The following ACTR3C variants were observed in gnomAD, a reference collection of about 807,000 sequenced individuals.
ACTR3C encodes actin-related protein 3C.
In ACTR3C, 18 loss-of-function variants were observed where a neutral mutation model predicts 26.3. The ratio of observed to expected loss-of-function variants is 0.68; its 90% CI spans 0.47 to 1.01. The LOEUF is 1.01. Among genes scored for constraint, ACTR3C ranks in the 50% least tolerant of loss-of-function variants. The pLI, the probability that ACTR3C is intolerant of heterozygous loss-of-function variation, is 0.00. For synonymous variants in ACTR3C, 55 were observed against 94.5 expected, an observed-to-expected ratio of 0.58 and a Z score of 2.42; for missense variants, 184 against 250.7, an observed-to-expected ratio of 0.73 and a Z score of 1.80.
the ACTR3C span, among the ~76,000 whole-genome samples, chr7:150,162,063 A>G: frequency 3.4e-4 from 52 of 152,368 alleles, no homozygotes; most frequent in African/African-American, 1.1e-3. Flanking sequence ...TAAAATTTGA[A>G]ACATTAATTT....
chr7:150,185,276 C>CGT, the ACTR3C span, among the ~76,000 whole-genome samples: 42,800 of 140,454 alleles, frequency 0.3, 3,760 homozygotes, highest in South Asian at 0.41. Flanking sequence ...AAATGTCAGG[C>CGT]GTGTGTGTGT....
the ACTR3C span, among the ~76,000 whole-genome samples, chr7:150,040,274 C>T: frequency 2.0e-5 from 3 of 147,702 alleles, no homozygotes; most frequent in African/African-American, 7.6e-5. Flanking sequence ...GGCTACCGGC[C>T]TCAGCCAGGG....
chr7:150,227,256 A>C, the ACTR3C span, among the ~76,000 whole-genome samples: 1 of 151,438 alleles, frequency 6.6e-6, no homozygotes, highest in Non-Finnish European at 1.5e-5. Context: ...TCTAAGGGAG[A>C]CTTGGTACCC....
At chr7:149,893,024 T>A in the ACTR3C span, among the ~76,000 whole-genome samples, 1 of 152,200 alleles carries the variant, frequency 6.6e-6, no homozygotes, top group Non-Finnish European at 1.5e-5. Flanking sequence ...ATCTTAACCT[T>A]AAATATTTGG....
At chr7:150,205,579 TA>T in the ACTR3C span, among the ~76,000 whole-genome samples, 26,688 of 151,764 alleles carry the variant, frequency 0.18, 3,836 homozygotes, top group African/African-American at 0.39. Flanking sequence ...CACACTTTTC[TA>T]AAAAAAGCAA....
chr7:150,264,028 G>A (rs1474912615), intron 6 of ACTR3C, among the ~76,000 whole-genome samples: 2 of 152,184 alleles, frequency 1.3e-5, no homozygotes, highest in African/African-American at 2.4e-5. Context: ...TCCCTCAGGC[G>A]TCCCTGTACT....
At chr7:150,282,069 A>G (rs1157680996) in intron 6 of ACTR3C, among the ~76,000 whole-genome samples, 1 of 143,590 alleles carries the variant, frequency 7.0e-6, no homozygotes, top group East Asian at 2.0e-4. Flanking sequence ...ATCAAGACCC[A>G]TACTTTGGAA....
chr7:149,996,186 G>T, the ACTR3C span, among the ~76,000 whole-genome samples: 6 of 152,284 alleles, frequency 3.9e-5, no homozygotes, highest in Non-Finnish European at 7.3e-5. Flanking sequence ...GGCCAGAGCA[G>T]ATGGTCTTGC....
the ACTR3C span, chr7:150,073,653 G>T: frequency 3.4e-5 from 5 of 148,420 alleles, no homozygotes; most frequent in South Asian, 1.1e-3. Context: ...AAGCAGTGGA[G>T]ACTGGAGTCC....
At chr7:150,121,951 C>G in the ACTR3C span, among the ~76,000 whole-genome samples, 1 of 152,008 alleles carries the variant, frequency 6.6e-6, no homozygotes, top group African/African-American at 2.4e-5. Context: ...TGATCTTTGA[C>G]AAACCTAACA....
intron 1 of ACTR3C, among the ~76,000 whole-genome samples, chr7:150,300,409 C>T (rs1440908587): frequency 6.6e-6 from 1 of 152,082 alleles, no homozygotes; most frequent in Non-Finnish European, 1.5e-5. Context: ...AACCCATATG[C>T]CTACACACAA....
chr7:150,086,596 G>C, the ACTR3C span, among the ~76,000 whole-genome samples: 2 of 152,136 alleles, frequency 1.3e-5, no homozygotes, highest in African/African-American at 4.8e-5. Flanking sequence ...ATTAGGTAGT[G>C]GTTCTAGAAC....
the ACTR3C span, among the ~76,000 whole-genome samples, chr7:149,925,419 A>C: frequency 2.6e-5 from 4 of 152,324 alleles, no homozygotes; most frequent in African/African-American, 9.6e-5. Context: ...AGCCCTAAAA[A>C]GGAATTAGAT....
the ACTR3C span, among the ~76,000 whole-genome samples, chr7:150,021,784 G>C: frequency 6.6e-6 from 1 of 152,012 alleles, no homozygotes; most frequent in African/African-American, 2.4e-5. Context: ...CCAGGTTGCT[G>C]TGAATGCCAT....
chr7:150,036,694 C>G, the ACTR3C span, among the ~76,000 whole-genome samples: 3 of 138,762 alleles, frequency 2.2e-5, no homozygotes, highest in Non-Finnish European at 3.3e-5. Flanking sequence ...AAATAACCTG[C>G]TTTCTTTCTG....
chr7:149,978,623 G>A, the ACTR3C span, among the ~76,000 whole-genome samples: 7 of 152,142 alleles, frequency 4.6e-5, no homozygotes, highest in Non-Finnish European at 7.3e-5. Context: ...ACAGTTGCTT[G>A]ACTACATGAC....
the ACTR3C span, among the ~76,000 whole-genome samples, chr7:150,204,354 G>A: frequency 5.4e-4 from 79 of 146,892 alleles, no homozygotes; most frequent in Non-Finnish European, 8.7e-4. Flanking sequence ...TGAACTACAT[G>A]GGGGAATCCC....
At chr7:150,083,293 C>T in the ACTR3C span, among the ~76,000 whole-genome samples, 13 of 151,868 alleles carry the variant, frequency 8.6e-5, no homozygotes, top group East Asian at 4.0e-4. Context: ...TGACTGGGCA[C>T]GGTGGCTCAC....
chr7:150,194,471 G>A, the ACTR3C span, among the ~76,000 whole-genome samples: 3 of 148,368 alleles, frequency 2.0e-5, no homozygotes, highest in Admixed American at 6.7e-5. Context: ...ATTTAAGTTG[G>A]ATTTCTCAAA....
Sources: allele counts gnomAD v4.1 joint callset (sites outside exome capture counted in the v4.1 genomes callset), GRCh38; gene constraint gnomAD v4.1.1; transcripts MANE v1.5; gene names NCBI Gene and HGNC (gene_info 2026-07-23, HGNC 2026-07-21).